Variants in TRIM2 observed in about 807,000 individuals in gnomAD.
TRIM2 encodes tripartite motif containing 2.
In TRIM2, 20 loss-of-function variants were observed where a neutral mutation model predicts 75.2. The ratio of observed to expected loss-of-function variants is 0.27; its 90% CI spans 0.19 to 0.39. The LOEUF is 0.39. TRIM2 is among the 10% of genes least tolerant of loss of function. The pLI, the probability that TRIM2 is intolerant of heterozygous loss-of-function variation, is 1.00. For synonymous variants in TRIM2, 373 were observed against 388.3 expected (o/e 0.96, Z 0.46); for missense variants, 660 against 990.8 (o/e 0.67, Z 4.48).
intron 2 of TRIM2, 115 bp from the exon 3 acceptor site, chr4:153,275,778 C>A: frequency 1.1e-6 from 1 of 917,378 alleles, no homozygotes; most frequent in Non-Finnish European, 1.7e-6. Context: ...GTAAAGGAGA[C>A]TGGGATGGGA....
At chr4:153,269,719 C>T (rs556753898) in intron 1 of TRIM2, among the ~76,000 whole-genome samples, 3 of 152,160 alleles carry the variant, frequency 2.0e-5, no homozygotes, top group South Asian at 4.2e-4. Flanking sequence ...CCTTAGTTAC[C>T]ACTGCTTTGA....
chr4:153,181,589 A>C (rs1732065287), intron 1 of TRIM2, among the ~76,000 whole-genome samples: 1 of 152,148 alleles, frequency 6.6e-6, no homozygotes, highest in African/African-American at 2.4e-5. Flanking sequence ...TCTGGCGTTC[A>C]ACCTTCCCTC....
intron 6 of TRIM2, among the ~76,000 whole-genome samples, chr4:153,301,359 T>G (rs1763887218): frequency 6.6e-6 from 1 of 152,198 alleles, no homozygotes; most frequent in African/African-American, 2.4e-5. Flanking sequence ...TCAGGCTATT[T>G]TTTTCATTCT....
At chr4:153,321,497 T>A (rs1017901296) in intron 8 of TRIM2, among the ~76,000 whole-genome samples, 3 of 152,212 alleles carry the variant, frequency 2.0e-5, no homozygotes, top group African/African-American at 7.2e-5. Flanking sequence ...ATACGGTATA[T>A]GATTGATAGA....
intron 1 of TRIM2, among the ~76,000 whole-genome samples, chr4:153,230,324 G>A (rs1252665892): frequency 6.6e-6 from 1 of 152,148 alleles, no homozygotes; most frequent in Admixed American, 6.5e-5. Flanking sequence ...GGAACTGCAG[G>A]TGCATGCCAC....
At chr4:153,286,791 T>C (rs1427436680) in intron 3 of TRIM2, among the ~76,000 whole-genome samples, 1 of 128,924 alleles carries the variant, frequency 7.8e-6, no homozygotes, top group Non-Finnish European at 1.6e-5. Context: ...ACTCTCTCTC[T>C]CTCTCTGGTC....
At chr4:153,225,920 C>A (rs1741990237) in intron 1 of TRIM2, among the ~76,000 whole-genome samples, 1 of 152,188 alleles carries the variant, frequency 6.6e-6, no homozygotes, top group Admixed American at 6.5e-5. Context: ...ACCCAAACTT[C>A]AGTGCAGTGG....
intron 1 of TRIM2, among the ~76,000 whole-genome samples, chr4:153,195,481 G>A (rs1159036726): frequency 1.3e-5 from 2 of 151,944 alleles, no homozygotes; most frequent in Non-Finnish European, 2.9e-5. Context: ...GCACCACTAC[G>A]CTCCAGCCTG....
intron 2 of TRIM2, among the ~76,000 whole-genome samples, chr4:153,275,379 G>GT (rs1176981205): frequency 1.3e-5 from 2 of 152,126 alleles, no homozygotes; most frequent in Non-Finnish European, 2.9e-5. Flanking sequence ...ACTTTGATGT[G>GT]TTTTTTATAT....
At chr4:153,185,199 T>A (rs912113245) in intron 1 of TRIM2, among the ~76,000 whole-genome samples, 2 of 152,246 alleles carry the variant, frequency 1.3e-5, no homozygotes, top group African/African-American at 4.8e-5. Flanking sequence ...GTTGTTTTCA[T>A]TGTGATTGTG....
chr4:153,256,361 C>T (rs534508977), intron 1 of TRIM2, among the ~76,000 whole-genome samples: 4 of 152,232 alleles, frequency 2.6e-5, no homozygotes, highest in Non-Finnish European at 1.5e-5. Context: ...TGCTTGACTG[C>T]GTGGAAAGAA....
chr4:153,266,711 G>T (rs1160640262), intron 1 of TRIM2, among the ~76,000 whole-genome samples: 2 of 145,252 alleles, frequency 1.4e-5, no homozygotes, highest in Middle Eastern at 3.6e-3. Flanking sequence ...ATCTTGAACT[G>T]CTGGGCTCAA....
intron 2 of TRIM2, among the ~76,000 whole-genome samples, 160 bp downstream of exon 2, chr4:153,270,679 T>A (rs552554191): frequency 6.6e-6 from 1 of 152,300 alleles, no homozygotes; most frequent in Admixed American, 6.5e-5. Flanking sequence ...TTGCAAATAA[T>A]TTACTTTATT....
At chr4:153,256,663 A>G (rs2149957267) in intron 1 of TRIM2, among the ~76,000 whole-genome samples, 1 of 152,360 alleles carries the variant, frequency 6.6e-6, no homozygotes, top group East Asian at 1.9e-4. Flanking sequence ...TTGGCAGGAA[A>G]TTAAGTTATG....
rs1440045535 is a variant in TRIM2 at position 153,328,653 on chromosome 4, G to C, written c.2146G>C (p.Gly716Arg). 6.2e-7 allele frequency: 1 copy of C among 1,611,730 alleles called. No individual in the cohort carries two copies. The highest frequency in any genetic ancestry group is 8.5e-7 in the Non-Finnish European group (1 of 1,179,034). The change falls in exon 11 of 12, where the codon GGA (glycine) becomes CGA (arginine). Residue 716 changes from glycine to arginine, a missense_variant. Transcript: ENST00000338700. ...TGGAAACATCATTGTGGCCGACTGGGGAAACAGCAGGATCCAGGTAGATCA... is the reference window on the plus strand; with the variant it reads ...TGGAAACATCATTGTGGCCGACTGGCGAAACAGCAGGATCCAGGTAGATCA... ...SNGNIIVADW[G>R]NSRIQVFDGS...
chr4:153,215,940 AC>A (rs1433372834), intron 1 of TRIM2, among the ~76,000 whole-genome samples: 1 of 152,206 alleles, frequency 6.6e-6, no homozygotes, highest in Non-Finnish European at 1.5e-5. Context: ...AGTTCAAAAA[AC>A]TTTTTTGCCT....
chr4:153,316,184 AT>A (rs1206139148), intron 8 of TRIM2, among the ~76,000 whole-genome samples, 185 bp downstream of exon 8: 1 of 152,214 alleles, frequency 6.6e-6, no homozygotes, highest in Non-Finnish European at 1.5e-5. Flanking sequence ...CTATTCATAT[AT>A]ATCCTAAATG....
intron 1 of TRIM2, among the ~76,000 whole-genome samples, chr4:153,257,029 T>G (rs186178263): frequency 6.6e-6 from 1 of 152,354 alleles, no homozygotes; most frequent in African/African-American, 2.4e-5. Flanking sequence ...GCTCTCACAC[T>G]CACGCAAAGC....
At chr4:153,166,385 G>A (rs1409386897) in intron 1 of TRIM2, among the ~76,000 whole-genome samples, 1 of 152,124 alleles carries the variant, frequency 6.6e-6, no homozygotes, top group Non-Finnish European at 1.5e-5. Context: ...GATGGGTTTG[G>A]TAATTGGGAC....
Sources: allele counts gnomAD v4.1 joint callset (sites outside exome capture counted in the v4.1 genomes callset), GRCh38; gene constraint gnomAD v4.1.1; transcripts MANE v1.5; gene names NCBI Gene and HGNC (gene_info 2026-07-23, HGNC 2026-07-21).